GRIP2: variants seen among roughly 807,000 people sequenced by gnomAD.
GRIP2 encodes the protein glutamate receptor interacting protein 2, also known as glutamate receptor-interacting protein 2.
In GRIP2, 58 loss-of-function variants were observed where a neutral mutation model predicts 108.3. That is an observed-to-expected ratio of 0.54 (90% CI 0.43 to 0.67). GRIP2 has a LOEUF of 0.67. Ranked by LOEUF, GRIP2 falls within the 30% of genes least tolerant of loss-of-function variation. The probability of loss-of-function intolerance (pLI) is 0.00; values close to 1 mark genes in which losing one functional copy is unlikely to be tolerated. For synonymous variants in GRIP2, 586 were observed against 598.2 expected (o/e 0.98, Z 0.30); for missense variants, 1,278 against 1,430.6 (o/e 0.89, Z 1.72).
intron 3 of GRIP2, 32 bp downstream of exon 3, chr3:14,525,405 C>G (rs369504647): frequency 6.2e-6 from 10 of 1,606,686 alleles, no homozygotes; most frequent in Admixed American, 1.7e-5. Context: ...TCTGCACCCC[C>G]CTCCTGCGGC....
intron 20 of GRIP2, chr3:14,503,934 A>G (rs1574993945): frequency 2.0e-6 from 1 of 502,888 alleles, no homozygotes; most frequent in East Asian, 3.5e-5. Context: ...GACGGGGTGG[A>G]GAGCGGTGAC....
chr3:14,539,419 G>A (rs1442554609), intron 1 of GRIP2, among the ~76,000 whole-genome samples: 1 of 152,178 alleles, frequency 6.6e-6, no homozygotes, highest in East Asian at 1.9e-4. Flanking sequence ...AGGGCTGGGG[G>A]CTCTGCAGTA....
At position 14,493,810 on chromosome 3, in the gene GRIP2, G is replaced by C; in HGVS notation, c.2987C>G (p.Thr996Arg). Reference protein sequence around the residue: ...DRVLQVNHVRTRDFDCCLAVP... With the variant: ...DRVLQVNHVRRRDFDCCLAVP... Reference sequence around the variant, plus strand: ...CGCCAGGCAGCAGTCGAAGTCCCGTGTACGGACGTGGTTGACCTGCATGGG... The same window carrying C: ...CGCCAGGCAGCAGTCGAAGTCCCGTCTACGGACGTGGTTGACCTGCATGGG... The change falls in exon 24 of 24, where the codon ACA becomes AGA. Residue 996 changes from threonine (T) to arginine (R), a missense_variant. Physicochemically the swap from Thr to Arg is moderately conservative, Grantham distance 71. Transcript: ENST00000621039. 6.2e-7 allele frequency: 1 copy of C among 1,612,838 alleles called. No individual in the cohort carries two copies. Among genetic ancestry groups the C allele is most frequent in the Non-Finnish European group, 8.5e-7 (1 of 1,179,124 alleles).
chr3:14,506,952 G>T lies in GRIP2; in HGVS notation c.2247C>A (p.Ser749Arg). Residue 749 changes from serine to arginine, a missense_variant, in exon 19 of 24, where the codon AGC becomes AGA. By Grantham distance (110) the Ser-to-Arg change is moderately radical. Coordinates refer to ENST00000621039, the MANE Select transcript of GRIP2 (RefSeq NM_001080423.4). ...CATCAGCATCACTGGTCTCACTGAG[G>T]CTGCCCGACTTGCGGGGTAGGAGGG... ...DRPLLPRKSG[S>R]LSETSDADED... 1 of 1,607,152 alleles carries T rather than the reference G, an allele frequency of 6.2e-7. No individual in the cohort carries two copies. The highest frequency in any genetic ancestry group is 8.5e-7 in the Non-Finnish European group (1 of 1,176,836).
chr3:14,570,583 C>T, the GRIP2 span, among the ~76,000 whole-genome samples: 2 of 152,252 alleles, frequency 1.3e-5, no homozygotes, highest in Admixed American at 6.5e-5. Context: ...AAAACTATTA[C>T]AGCAATTTCA....
chr3:14,564,706 T>C, the GRIP2 span, among the ~76,000 whole-genome samples: 11 of 152,310 alleles, frequency 7.2e-5, no homozygotes, highest in South Asian at 2.1e-4. Flanking sequence ...GGGAGAAAGA[T>C]GAATCACGTT....
intron 9 of GRIP2, 113 bp downstream of exon 9, chr3:14,519,997 G>T: frequency 9.7e-7 from 1 of 1,028,904 alleles, no homozygotes; most frequent in Non-Finnish European, 1.4e-6. Context: ...ATGAGGATTT[G>T]TCCTAGTACA....
intron 21 of GRIP2, among the ~76,000 whole-genome samples, chr3:14,502,739 T>C (rs1381601851): frequency 1.3e-5 from 2 of 151,918 alleles, no homozygotes; most frequent in South Asian, 2.1e-4. Flanking sequence ...TAAGAAACCA[T>C]GAAAAGGATC....
chr3:14,493,464 A>C lies in GRIP2; in HGVS notation c.*201T>G. The C allele has an allele frequency of 1.6e-6, 1 of 618,588 alleles. No individual in the cohort carries two copies. The highest frequency in any genetic ancestry group is 2.7e-6 in the Non-Finnish European group (1 of 374,686). 38.3% of individuals were successfully genotyped at this position (618,588 alleles called of 1,614,324 possible). A position where few individuals can be genotyped will look rare whatever the true frequency, so the allele number is the denominator to read the frequency against. On this transcript the variant is annotated 3_prime_UTR_variant, in exon 24 of 24. Transcript: ENST00000621039. ...AACTTGGCGAGAGACCCCAGCTGTC[A>C]CTCCAACTAGGGCAGGACCTCCCTG...
upstream of GRIP2, among the ~76,000 whole-genome samples, chr3:14,540,716 C>T (rs185370426): frequency 9.6e-3 from 1,452 of 151,768 alleles, 13 homozygotes; most frequent in Non-Finnish European, 0.014. This position sits in a 1 kb window ranked among gnomAD's most constrained non-coding sequence, Gnocchi z 4.1. Flanking sequence ...TTTTTCTAAA[C>T]GGCAGATTCC....
At chr3:14,541,929 C>T, upstream of GRIP2, 1 of 1,346,276 alleles carries the variant, frequency 7.4e-7, no homozygotes, top group South Asian at 1.2e-5. Context: ...CATGAAGACC[C>T]TGGCCTTCAC....
chr3:14,498,507 G>T lies in GRIP2; in HGVS notation c.2680-1947C>A, dbSNP rs74869169. Reference sequence around the variant, plus strand: ...TAGGGCCAAACTGTTGGGTTGGAGTGGGGGGGAAGATAGGAAACCGAGGGA... The same window carrying T: ...TAGGGCCAAACTGTTGGGTTGGAGTTGGGGGGAAGATAGGAAACCGAGGGA... On this transcript the variant is annotated intron_variant, in intron 21 of 23. Coordinates refer to ENST00000621039, the MANE Select transcript of GRIP2 (RefSeq NM_001080423.4). 6.4e-4 allele frequency among the ~76,000 whole-genome samples: 97 copies of T among 152,180 alleles called. 1 individual carries two copies. Among genetic ancestry groups the T allele is most frequent in the Admixed American group, 4.8e-3 (73 of 15,278 alleles).
chr3:14,515,976 G>A (rs577398740), intron 11 of GRIP2, among the ~76,000 whole-genome samples: 44 of 151,914 alleles, frequency 2.9e-4, no homozygotes, highest in Non-Finnish European at 4.4e-4. Flanking sequence ...TGTACATTCA[G>A]TACTATGCCC....
chr3:14,514,680 T>A (rs1374339882), intron 11 of GRIP2, among the ~76,000 whole-genome samples: 2 of 152,152 alleles, frequency 1.3e-5, no homozygotes, highest in East Asian at 1.9e-4. Context: ...GATTCCCACC[T>A]CGTGGGGTGT....
At chr3:14,494,425 A>T (rs1480497733) in intron 23 of GRIP2, among the ~76,000 whole-genome samples, 1 of 152,182 alleles carries the variant, frequency 6.6e-6, no homozygotes, top group East Asian at 1.9e-4. Context: ...CCTCACAGTT[A>T]GTTAGGAAGG....
chr3:14,503,420 C>CAAAA, intron 21 of GRIP2, 146 bp downstream of exon 21: 1 of 624,946 alleles, frequency 1.6e-6, no homozygotes, highest in Non-Finnish European at 2.9e-6. Context: ...GTGAAGACAC[C>CAAAA]TTTTCCCACA....
chr3:14,598,190 G>C, the GRIP2 span, among the ~76,000 whole-genome samples: 1 of 151,924 alleles, frequency 6.6e-6, no homozygotes, highest in Admixed American at 6.6e-5. Flanking sequence ...CCAGCATTTG[G>C]CATGACCTCG....
At chr3:14,566,981 T>C in the GRIP2 span, among the ~76,000 whole-genome samples, 1 of 152,164 alleles carries the variant, frequency 6.6e-6, no homozygotes. Context: ...ACATCACTTC[T>C]CTCCCTCTCT....
chr3:14,579,862 C>A, the GRIP2 span, among the ~76,000 whole-genome samples: 2 of 152,242 alleles, frequency 1.3e-5, no homozygotes, highest in Non-Finnish European at 2.9e-5. Flanking sequence ...CACAGCACTG[C>A]AGCAGCAGAA....
Sources: gnomAD v4.1 joint callset for allele counts (sites outside exome capture counted in the v4.1 genomes callset) on GRCh38, gnomAD v4.1.1 for gene constraint, Gnocchi (gnomAD v3.1) non-coding constraint, MANE v1.5 for transcripts, NCBI Gene and HGNC (gene_info 2026-07-23, HGNC 2026-07-21) for gene names.